BMPER: variants seen among roughly 807,000 people sequenced by gnomAD.
BMPER encodes the protein BMP-binding endothelial regulator protein.
BMPER carries 45 observed loss-of-function variants against 87.3 expected under a neutral mutation model. The ratio of observed to expected loss-of-function variants is 0.52; its 90% CI spans 0.41 to 0.66. The LOEUF is 0.66. BMPER is among the 30% of genes least tolerant of loss of function. The pLI is 0.00. For synonymous variants in BMPER, 326 were observed against 316.2 expected (o/e 1.03, Z -0.33); for missense variants, 784 against 867.5 (o/e 0.90, Z 1.21).
chr7:33,939,762 C>G (rs751582755), intron 3 of BMPER, among the ~76,000 whole-genome samples: 8 of 152,148 alleles, frequency 5.3e-5, no homozygotes, highest in Non-Finnish European at 1.2e-4. Context: ...TTGTAACTTT[C>G]CTGAGGCCTC....
At chr7:33,923,695 G>A (rs1784290097) in intron 2 of BMPER, among the ~76,000 whole-genome samples, 1 of 152,136 alleles carries the variant, frequency 6.6e-6, no homozygotes, top group African/African-American at 2.4e-5. Flanking sequence ...ACCGCAGCCA[G>A]GGTCACTTAC....
chr7:34,048,001 G>A (rs766071983), intron 7 of BMPER, among the ~76,000 whole-genome samples: 23 of 151,724 alleles, frequency 1.5e-4, no homozygotes, highest in Middle Eastern at 3.4e-3. Context: ...AAGCGCTCTC[G>A]TTCTTAAAAG....
chr7:33,925,977 G>A (rs1047398039), intron 2 of BMPER, among the ~76,000 whole-genome samples: 1 of 152,192 alleles, frequency 6.6e-6, no homozygotes, highest in South Asian at 2.1e-4. Context: ...CAAAACTGAC[G>A]ATTCCTGCCT....
At chr7:33,974,892 G>A in intron 6 of BMPER, 108 bp downstream of exon 6, 1 of 1,095,738 alleles carries the variant, frequency 9.1e-7, no homozygotes, top group South Asian at 1.3e-5. Flanking sequence ...TCCTCTCTGG[G>A]TAAAAGTCCG....
intron 6 of BMPER, among the ~76,000 whole-genome samples, chr7:34,019,469 A>G (rs369474187): frequency 1.3e-4 from 19 of 151,996 alleles, no homozygotes; most frequent in Non-Finnish European, 2.2e-4. Context: ...CGCATCATTT[A>G]TACGCCCAAC....
intron 11 of BMPER, among the ~76,000 whole-genome samples, chr7:34,066,294 G>C (rs1788589168): frequency 6.6e-6 from 1 of 152,214 alleles, no homozygotes. Context: ...GGGTTGGCCT[G>C]AAGGAGCAAT....
chr7:33,934,542 A>T lies in BMPER; in HGVS notation c.220-2747A>T, dbSNP rs547347257. 2.7e-4 allele frequency among the ~76,000 whole-genome samples: 41 copies of T among 151,536 alleles called. No homozygotes were observed. The Middle Eastern group carries it at 0.014, about 51-fold the overall frequency. On this transcript the variant is annotated intron_variant, in intron 2 of 14. Coordinates refer to ENST00000649409, the MANE Select transcript of BMPER (RefSeq NM_001365308.1). ...CAAAAAAAAAAAAAAAAAAATCCAG[A>T]TGTGAATCTACAAACCATCTGGTTG...
chr7:34,146,319 C>T (rs761706652), intron 14 of BMPER, among the ~76,000 whole-genome samples: 4 of 151,996 alleles, frequency 2.6e-5, no homozygotes, highest in African/African-American at 4.8e-5. Context: ...GTCAGCCAGG[C>T]GAGAAACTCT....
rs770614312 is a variant in BMPER, at chr7:34,079,162, C to A, written c.1384C>A (p.Leu462Ile). The A allele has an allele frequency of 6.2e-7, 1 of 1,613,856 alleles. No homozygotes were observed. The highest frequency in any genetic ancestry group is 1.1e-5 in the South Asian group (1 of 91,088). ...CTTCCACATCGACCTGGATGGCTAC[C>A]TCTTGAAAGTGACCACCAAAGCAGG... ...PHFHIDLDGYLLKVTTKAGLE... is the reference protein window; with the variant it reads ...PHFHIDLDGYILKVTTKAGLE... Residue 462 changes from leucine (L) to isoleucine (I), a missense_variant, in exon 12 of 15, where the codon CTC becomes ATC. By Grantham distance (5) the Leu-to-Ile change is conservative (BLOSUM62 2). Coordinates refer to ENST00000649409, the MANE Select transcript of BMPER (RefSeq NM_001365308.1).
At chr7:33,920,418 G>GT (rs879327540) in intron 2 of BMPER, among the ~76,000 whole-genome samples, 8,573 of 99,280 alleles carry the variant, frequency 0.086, 1,886 homozygotes, top group African/African-American at 0.35. Context: ...AAACTCCGTT[G>GT]TGTTTTTTTT....
chr7:34,086,492 T>C (rs528360840), intron 13 of BMPER, among the ~76,000 whole-genome samples: 1 of 152,294 alleles, frequency 6.6e-6, no homozygotes, highest in African/African-American at 2.4e-5. Context: ...TGGCTGCCTT[T>C]GGGTGTTTGA....
chr7:34,142,835 A>G (rs559923644), intron 13 of BMPER, among the ~76,000 whole-genome samples: 1 of 152,372 alleles, frequency 6.6e-6, no homozygotes, highest in Admixed American at 6.5e-5. Flanking sequence ...TAGGGTAGCC[A>G]TTAGGCGCAT....
Position 34,097,237 on chromosome 7 carries a change from A to G in BMPER, c.1745+11145A>G, listed in dbSNP as rs1465442352. ...AAGGAAAATATTCCAGCCACTGAAG[A>G]CTTCATGTTCACAGCCATGGAGGCT... On this transcript the variant is annotated intron_variant, in intron 13 of 14. Coordinates refer to ENST00000649409, the MANE Select transcript of BMPER (RefSeq NM_001365308.1). Among the ~76,000 whole-genome samples the G allele has an allele frequency of 2.0e-5, 3 of 152,234 alleles. No individual in the cohort carries two copies. In the South Asian group the frequency reaches 6.2e-4, roughly 32 times the overall value.
intron 2 of BMPER, among the ~76,000 whole-genome samples, chr7:33,935,881 G>A (rs140762623): frequency 3.8e-4 from 58 of 152,272 alleles, no homozygotes; most frequent in African/African-American, 1.3e-3. Flanking sequence ...GAGCAACACC[G>A]GTCGTGGCTT....
At chr7:34,002,942 C>T (rs1786623118) in intron 6 of BMPER, among the ~76,000 whole-genome samples, 1 of 150,698 alleles carries the variant, frequency 6.6e-6, no homozygotes, top group Non-Finnish European at 1.5e-5. Flanking sequence ...TAGTTTTATC[C>T]TGCTTTAAAA....
intron 6 of BMPER, among the ~76,000 whole-genome samples, chr7:34,029,450 C>T (rs549119318): frequency 1.3e-5 from 2 of 152,174 alleles, no homozygotes; most frequent in African/African-American, 4.8e-5. Flanking sequence ...AGGAAGGGAG[C>T]TAGCTCTTGC....
chr7:34,046,281 GC>G, intron 6 of BMPER, 24 bp from the exon 7 acceptor site: 3 of 1,595,168 alleles, frequency 1.9e-6, no homozygotes, highest in Middle Eastern at 1.7e-4. Context: ...TTCTAAATAT[GC>G]TTTTTTTTTC....
chr7:34,013,140 T>G (rs1425016119), intron 6 of BMPER, among the ~76,000 whole-genome samples: 2 of 151,660 alleles, frequency 1.3e-5, no homozygotes, highest in African/African-American at 2.4e-5. Context: ...TCATCTCTGC[T>G]TGATGCTTCT....
intron 6 of BMPER, among the ~76,000 whole-genome samples, chr7:34,044,190 G>A (rs146122385): frequency 6.6e-6 from 1 of 152,180 alleles, no homozygotes; most frequent in Non-Finnish European, 1.5e-5. Flanking sequence ...GTTGTATTAT[G>A]TATGCAAAAT....
Sources: gnomAD v4.1 joint callset for allele counts (sites outside exome capture counted in the v4.1 genomes callset) on GRCh38, gnomAD v4.1.1 for gene constraint, MANE v1.5 for transcripts, NCBI Gene and HGNC (gene_info 2026-07-23, HGNC 2026-07-21) for gene names.